The following HS3ST3A1 variants were observed in gnomAD, a reference collection of about 807,000 sequenced individuals.
HS3ST3A1 encodes the protein heparan sulfate glucosamine 3-O-sulfotransferase 3A1.
HS3ST3A1 carries 19 observed loss-of-function variants against 25.7 expected under a neutral mutation model. That is an observed-to-expected ratio of 0.74 (90% CI 0.52 to 1.08). HS3ST3A1 has a LOEUF of 1.08. Ranked by LOEUF, HS3ST3A1 falls within the 50% of genes least tolerant of loss-of-function variation. The pLI is 0.00. For missense variants in HS3ST3A1, 459 were observed against 594.3 expected, an observed-to-expected ratio of 0.77 and a Z score of 2.37; for synonymous variants, 226 against 278.6, an observed-to-expected ratio of 0.81 and a Z score of 1.88.
At chr17:13,563,549 G>A (rs1428844560) in intron 1 of HS3ST3A1, among the ~76,000 whole-genome samples, 1 of 152,210 alleles carries the variant, frequency 6.6e-6, no homozygotes, top group Non-Finnish European at 1.5e-5. Context: ...GTTGACCCCA[G>A]TGTGGGGGGC....
chr17:13,586,210 T>C (rs1164415374), intron 1 of HS3ST3A1, among the ~76,000 whole-genome samples: 1 of 152,028 alleles, frequency 6.6e-6, no homozygotes, highest in Non-Finnish European at 1.5e-5. Context: ...CCTCCTCCTT[T>C]TCGCATGGCT....
intron 1 of HS3ST3A1, among the ~76,000 whole-genome samples, chr17:13,554,059 A>T (rs991163741): frequency 6.6e-6 from 1 of 152,240 alleles, no homozygotes; most frequent in Non-Finnish European, 1.5e-5. Context: ...ACCAGGAAGC[A>T]TGAGGGCCAG....
intron 1 of HS3ST3A1, among the ~76,000 whole-genome samples, chr17:13,531,781 TC>T (rs1906613651): frequency 6.6e-6 from 1 of 152,196 alleles, no homozygotes. Context: ...CTGAACAGCT[TC>T]TTATTAATAT....
chr17:13,556,457 G>A (rs548180720), intron 1 of HS3ST3A1, among the ~76,000 whole-genome samples: 8 of 151,808 alleles, frequency 5.3e-5, no homozygotes, highest in Admixed American at 6.6e-5. Flanking sequence ...GCAGTGAGCC[G>A]AGACTGTGCC....
rs1166329293 is a variant in HS3ST3A1, at chr17:13,601,193, A to G, written c.-64T>C. 7.9e-7 allele frequency: 1 copy of G among 1,262,342 alleles called. No individual in the cohort carries two copies. The highest frequency in any genetic ancestry group is 1.0e-6 in the Non-Finnish European group (1 of 954,814). The allele number at this position is 1,262,342 out of a possible 1,614,324, so 78.2% of individuals were successfully genotyped here. A position where few individuals can be genotyped will look rare whatever the true frequency, so the allele number is the denominator to read the frequency against. On this transcript the variant is annotated 5_prime_UTR_variant, in exon 1 of 2. Transcript: ENST00000284110. ...CTAGGCCTGGACCCCGACAGGTGCC[A>G]GAGCATCCCCCCGGCGGGCCAGCGC...
chr17:13,556,433 G>A (rs955601123), intron 1 of HS3ST3A1, among the ~76,000 whole-genome samples: 7 of 151,830 alleles, frequency 4.6e-5, no homozygotes, highest in Admixed American at 1.3e-4. Flanking sequence ...GTGTGAACCC[G>A]GGAGGCGGAG....
chr17:13,562,327 C>T lies in HS3ST3A1; in HGVS notation c.599+38204G>A, dbSNP rs1014611893. ...TCATTCTGCAAGAGGCAGGGACAGA[C>T]GTGTGTGCCGTGGACAGACAGACAG... On this transcript the variant is annotated intron_variant, in intron 1 of 1. Coordinates refer to ENST00000284110, the MANE Select transcript of HS3ST3A1 (RefSeq NM_006042.3). Among the ~76,000 whole-genome samples, 8 of 152,224 alleles carry T rather than the reference C, an allele frequency of 5.3e-5. No individual in the cohort carries two copies. The East Asian group carries it at 1.4e-3, about 26-fold the overall frequency.
At chr17:13,548,980 G>A (rs1252406229) in intron 1 of HS3ST3A1, among the ~76,000 whole-genome samples, 1 of 152,170 alleles carries the variant, frequency 6.6e-6, no homozygotes, top group Non-Finnish European at 1.5e-5. Flanking sequence ...CTAAAAACTG[G>A]CCACCCGAGC....
At chr17:13,517,130 A>C (rs1906080220) in intron 1 of HS3ST3A1, among the ~76,000 whole-genome samples, 1 of 152,234 alleles carries the variant, frequency 6.6e-6, no homozygotes, top group Admixed American at 6.5e-5. Context: ...CTCTAAAAAG[A>C]TCATCCCTTT....
chr17:13,530,103 A>G (rs1181744057), intron 1 of HS3ST3A1, among the ~76,000 whole-genome samples: 1 of 152,092 alleles, frequency 6.6e-6, no homozygotes, highest in Non-Finnish European at 1.5e-5. Flanking sequence ...TGATCTCAGA[A>G]GAAGAAATGC....
chr17:13,532,878 C>T (rs1906647322), intron 1 of HS3ST3A1, among the ~76,000 whole-genome samples: 3 of 139,236 alleles, frequency 2.2e-5, no homozygotes, highest in South Asian at 2.5e-4. Flanking sequence ...AATACATATA[C>T]GTGTGTGTGT....
At chr17:13,553,296 T>C (rs1219515401) in intron 1 of HS3ST3A1, among the ~76,000 whole-genome samples, 1 of 152,172 alleles carries the variant, frequency 6.6e-6, no homozygotes, top group Non-Finnish European at 1.5e-5. Flanking sequence ...AGGTGCAGCA[T>C]TGGGGTTGGC....
At chr17:13,516,720 C>T (rs1027015221) in intron 1 of HS3ST3A1, among the ~76,000 whole-genome samples, 4 of 152,140 alleles carry the variant, frequency 2.6e-5, no homozygotes, top group Non-Finnish European at 4.4e-5. Flanking sequence ...TACTTTCAAT[C>T]GAGTGATTTT....
chr17:13,558,117 G>GA (rs1416854844), intron 1 of HS3ST3A1, among the ~76,000 whole-genome samples: 3 of 152,124 alleles, frequency 2.0e-5, no homozygotes, highest in African/African-American at 4.8e-5. Context: ...CAAGATTTAA[G>GA]AAAAAAATGG....
At chr17:13,534,547 C>CAGAAAAAAAAAAAAAAAAAAA (rs1906709030) in intron 1 of HS3ST3A1, among the ~76,000 whole-genome samples, 1 of 32,816 alleles carries the variant, frequency 3.0e-5, no homozygotes, top group Non-Finnish European at 5.9e-5. Context: ...CTACAAAATC[C>CAGAAAAAAAAAAAAAAAAAAA]AAAAAAAAAA....
intron 1 of HS3ST3A1, among the ~76,000 whole-genome samples, chr17:13,523,452 G>A (rs1906312301): frequency 6.6e-6 from 1 of 152,206 alleles, no homozygotes; most frequent in Non-Finnish European, 1.5e-5. Context: ...AAACGAAAAG[G>A]ATGCAGGAAA....
intron 1 of HS3ST3A1, among the ~76,000 whole-genome samples, chr17:13,525,259 C>T (rs896403499): frequency 1.3e-5 from 2 of 152,084 alleles, no homozygotes; most frequent in South Asian, 4.1e-4. Flanking sequence ...GATGTCTTAA[C>T]TTTCTTTATA....
rs1024265429 is a variant in HS3ST3A1 at position 13,522,057 on chromosome 17, C to T, written c.600-25239G>A. ...CAAAACTGTCCTCTGATGAAAACCA[C>T]TGCTTTAGAAAATTGCCACCAACAT... On this transcript the variant is annotated intron_variant, in intron 1 of 1. Coordinates refer to ENST00000284110, the MANE Select transcript of HS3ST3A1 (RefSeq NM_006042.3). Among the ~76,000 whole-genome samples the T allele has an allele frequency of 3.9e-5, 6 of 152,158 alleles. No homozygotes were observed. In the East Asian group the frequency reaches 1.2e-3, roughly 29 times the overall value.
At chr17:13,574,441 G>A (rs143029300) in intron 1 of HS3ST3A1, among the ~76,000 whole-genome samples, 2,174 of 151,294 alleles carry the variant, frequency 0.014, 25 homozygotes, top group Middle Eastern at 0.021. Flanking sequence ...ACAGTGGGTC[G>A]GGTGTGGTGG....
Sources: allele counts gnomAD v4.1 joint callset (sites outside exome capture counted in the v4.1 genomes callset), GRCh38; gene constraint gnomAD v4.1.1; transcripts MANE v1.5; gene names NCBI Gene and HGNC (gene_info 2026-07-23, HGNC 2026-07-21).